The following CFAP70 variants were observed in gnomAD, a reference collection of about 807,000 sequenced individuals.
The protein encoded by CFAP70 is cilia- and flagella-associated protein 70.
A neutral mutation model predicts 137.6 loss-of-function variants in CFAP70; 81 were observed. The observed-to-expected ratio is 0.59, with a 90% CI of 0.49 to 0.71. CFAP70 has a LOEUF of 0.71. Among genes scored for constraint, CFAP70 ranks in the 30% least tolerant of loss-of-function variants. The probability of loss-of-function intolerance (pLI) is 0.00; values close to 1 mark genes in which losing one functional copy is unlikely to be tolerated. For missense variants in CFAP70, 976 were observed against 1,226.7 expected, an observed-to-expected ratio of 0.80 and a Z score of 3.05; for synonymous variants, 382 against 423.6, an observed-to-expected ratio of 0.90 and a Z score of 1.20.
intron 12 of CFAP70, among the ~76,000 whole-genome samples, chr10:73,304,569 T>C (rs1328226761): frequency 6.6e-6 from 1 of 152,140 alleles, no homozygotes; most frequent in Non-Finnish European, 1.5e-5. Flanking sequence ...TTTCTCCCCA[T>C]CAAAATAGCA....
chr10:73,291,777 G>A, intron 17 of CFAP70, 22 bp from the exon 19 acceptor site: 1 of 1,613,714 alleles, frequency 6.2e-7, no homozygotes, highest in East Asian at 2.2e-5. Context: ...TCACCAACAT[G>A]ATTAACAACA....
chr10:73,270,294 G>A (rs1334427918), intron 24 of CFAP70, among the ~76,000 whole-genome samples: 3 of 152,060 alleles, frequency 2.0e-5, no homozygotes, highest in Admixed American at 2.0e-4. Context: ...CGTGGAAATT[G>A]TTGCTGCTTC....
Position 73,326,570 on chromosome 10 carries a change from C to A in CFAP70, c.778-3473G>T, listed in dbSNP as rs2132253901. ...GGAGCTGGTTTTTTGAAAGGATCAA[C>A]AAAATTGATAGACTGCTAGCAAGAC... On this transcript the variant is annotated intron_variant, in intron 8 of 26. Coordinates refer to ENST00000310715, the Ensembl canonical transcript of CFAP70. Among the ~76,000 whole-genome samples, 3 of 149,614 alleles carry A rather than the reference C, an allele frequency of 2.0e-5. 1 individual carries two copies. The highest frequency in any genetic ancestry group is 7.4e-5 in the African/African-American group (3 of 40,604).
chr10:73,272,643 C>T (rs1437386404), intron 24 of CFAP70, among the ~76,000 whole-genome samples: 2 of 152,156 alleles, frequency 1.3e-5, no homozygotes, highest in East Asian at 3.8e-4. Flanking sequence ...CTTTTTCTTA[C>T]AGATAATATC....
At chr10:73,257,995 C>T (rs7075415) in intron 25 of CFAP70, among the ~76,000 whole-genome samples, 6,883 of 151,462 alleles carry the variant, frequency 0.045, 479 homozygotes, top group African/African-American at 0.15. Flanking sequence ...TGGGTTCAAG[C>T]GATTCTCCTG....
intron 3 of CFAP70, among the ~76,000 whole-genome samples, chr10:73,349,039 C>T (rs1589591646): frequency 7.4e-6 from 1 of 135,210 alleles, no homozygotes; most frequent in South Asian, 2.3e-4. Flanking sequence ...CCAGCCTGGG[C>T]AACAAGAGGG....
intron 19 of CFAP70, among the ~76,000 whole-genome samples, chr10:73,281,962 A>T (rs2047288315): frequency 6.6e-6 from 1 of 152,186 alleles, no homozygotes; most frequent in African/African-American, 2.4e-5. Context: ...GGACATACCG[A>T]CGTGATTCTA....
At chr10:73,276,270 A>G (rs2046732429) in intron 21 of CFAP70, 1 of 152,140 alleles carries the variant, frequency 6.6e-6, no homozygotes, top group Admixed American at 6.5e-5. Flanking sequence ...TTTACACTTT[A>G]TAAGACCTAC....
chr10:73,333,794 C>G (rs890059415), intron 7 of CFAP70, among the ~76,000 whole-genome samples: 2 of 152,128 alleles, frequency 1.3e-5, no homozygotes, highest in African/African-American at 4.8e-5. Context: ...GGTCAAAAAA[C>G]TTGTATCAAC....
chr10:73,355,792 A>G (rs1262398333), intron 1 of CFAP70, among the ~76,000 whole-genome samples: 1 of 152,158 alleles, frequency 6.6e-6, no homozygotes, highest in Non-Finnish European at 1.5e-5. Flanking sequence ...AAAAAATTTC[A>G]TTATATATTA....
intron 8 of CFAP70, among the ~76,000 whole-genome samples, chr10:73,329,288 A>T (rs1351018608): frequency 1.3e-5 from 2 of 152,164 alleles, no homozygotes; most frequent in Non-Finnish European, 2.9e-5. Flanking sequence ...GGAACTGAAC[A>T]ATGAGAACAC....
At chr10:73,266,946 C>T (rs2045834726) in intron 25 of CFAP70, among the ~76,000 whole-genome samples, 1 of 149,512 alleles carries the variant, frequency 6.7e-6, no homozygotes. Context: ...CCCTTTACTA[C>T]TTTATTTATT....
At position 73,325,244 on chromosome 10, in the gene CFAP70, T is replaced by A. The variant is rs906460774; in HGVS notation, c.778-2147A>T. Reference sequence around the variant, plus strand: ...TCATATCCAGCCAAACTAAGCTTCATAAGTGAAGGAGAAATAAAATACTTT... The same window carrying A: ...TCATATCCAGCCAAACTAAGCTTCAAAAGTGAAGGAGAAATAAAATACTTT... On this transcript the variant is annotated intron_variant, in intron 8 of 26. Transcript: ENST00000310715. Among the ~76,000 whole-genome samples, 5 of 152,206 alleles carry A rather than the reference T, an allele frequency of 3.3e-5. 1 individual carries two copies. Among genetic ancestry groups the A allele is most frequent in the Admixed American group, 3.3e-4 (5 of 15,278 alleles).
At chr10:73,303,612 A>G (rs1201017680) in intron 12 of CFAP70, among the ~76,000 whole-genome samples, 1 of 152,212 alleles carries the variant, frequency 6.6e-6, no homozygotes, top group Admixed American at 6.5e-5. Flanking sequence ...CTTATTGCTA[A>G]TAACTGTTTC....
At chr10:73,336,974 A>G (rs1159100240) in intron 6 of CFAP70, among the ~76,000 whole-genome samples, 1 of 152,192 alleles carries the variant, frequency 6.6e-6, no homozygotes, top group Admixed American at 6.5e-5. Context: ...TTATACAGCA[A>G]GTACAAATAA....
At chr10:73,351,604 T>C (rs956551981) in intron 3 of CFAP70, among the ~76,000 whole-genome samples, 1 of 152,104 alleles carries the variant, frequency 6.6e-6, no homozygotes, top group African/African-American at 2.4e-5. Context: ...GGCTAATATT[T>C]GTATTTTTAG....
At chr10:73,295,190 C>T (rs562566912) in intron 15 of CFAP70, 3 of 153,088 alleles carry the variant, frequency 2.0e-5, no homozygotes, top group South Asian at 2.1e-4. Context: ...GTGGTGTGCA[C>T]CTGTAGTCCC....
intron 9 of CFAP70, among the ~76,000 whole-genome samples, chr10:73,314,778 G>T (rs2050198461): frequency 6.6e-6 from 1 of 151,726 alleles, no homozygotes; most frequent in South Asian, 2.1e-4. Flanking sequence ...GCTAATTTTT[G>T]TATTTTTTGT....
chr10:73,263,748 A>T (rs1221494994), intron 25 of CFAP70, among the ~76,000 whole-genome samples: 1 of 152,220 alleles, frequency 6.6e-6, no homozygotes, highest in Non-Finnish European at 1.5e-5. Context: ...TTTGTAATTA[A>T]TAAGTATCTT....
Sources: allele counts gnomAD v4.1 joint callset (sites outside exome capture counted in the v4.1 genomes callset), GRCh38; gene constraint gnomAD v4.1.1; transcripts MANE v1.5; gene names NCBI Gene and HGNC (gene_info 2026-07-23, HGNC 2026-07-21).